Variants in MTBP observed in about 807,000 individuals in gnomAD.
MTBP encodes the protein MDM2 binding protein, also known as mdm2-binding protein.
In MTBP, 101 loss-of-function variants were observed where a neutral mutation model predicts 117.0. The ratio of observed to expected loss-of-function variants is 0.86; its 90% CI spans 0.73 to 1.02. The LOEUF is 1.02. Among genes scored for constraint, MTBP ranks in the 50% least tolerant of loss-of-function variants. MTBP has a pLI of 0.00. For missense variants in MTBP, 970 were observed against 1,030.9 expected (o/e 0.94, Z 0.81); for synonymous variants, 350 against 351.5 (o/e 1.00, Z 0.05).
chr8:120,486,758 G>A (rs146780413), intron 11 of MTBP, among the ~76,000 whole-genome samples: 121 of 152,276 alleles, frequency 7.9e-4, no homozygotes, highest in African/African-American at 2.7e-3. Context: ...GGCTGCGGCT[G>A]AAGTGCTTCG....
At chr8:120,453,804 T>C (rs779522989) in intron 4 of MTBP, 43 bp from the exon 5 acceptor site, 3 of 958,590 alleles carry the variant, frequency 3.1e-6, no homozygotes, top group East Asian at 2.5e-5. Flanking sequence ...TATATAAATA[T>C]ATTTATGGGG....
chr8:120,478,090 C>T (rs1402560281), intron 11 of MTBP, among the ~76,000 whole-genome samples: 1 of 152,178 alleles, frequency 6.6e-6, no homozygotes, highest in Non-Finnish European at 1.5e-5. Flanking sequence ...AGAATGAGTT[C>T]ATGTCCTTTG....
At chr8:120,457,640 G>T (rs1468216002) in intron 7 of MTBP, among the ~76,000 whole-genome samples, 1 of 152,122 alleles carries the variant, frequency 6.6e-6, no homozygotes, top group Non-Finnish European at 1.5e-5. Flanking sequence ...TCCCACATAG[G>T]CTGGGCGCAG....
rs528227498 is a variant in MTBP at position 120,482,505 on chromosome 8, C to A, written c.1166-5654C>A. Among the ~76,000 whole-genome samples the A allele has an allele frequency of 2.2e-4, 34 of 152,156 alleles. 1 individual carries two copies. In the South Asian group the frequency reaches 7.1e-3, roughly 32 times the overall value. ...AGATCTGGAAATATCTTCTGAATGG[C>A]TTCTCTATTCATTGTAGCTTTCAAA... On this transcript the variant is annotated intron_variant, in intron 11 of 21. Coordinates refer to ENST00000305949, the MANE Select transcript of MTBP (RefSeq NM_022045.5).
chr8:120,483,228 T>G (rs1814132523), intron 11 of MTBP, among the ~76,000 whole-genome samples: 1 of 151,988 alleles, frequency 6.6e-6, no homozygotes, highest in South Asian at 2.1e-4. Flanking sequence ...CAGCTGGCAC[T>G]AAGGGCTGTT....
intron 15 of MTBP, among the ~76,000 whole-genome samples, chr8:120,502,851 G>T (rs949648905): frequency 1.3e-5 from 2 of 152,090 alleles, no homozygotes; most frequent in Admixed American, 6.6e-5. Flanking sequence ...GAACATTTTG[G>T]TATATAGCCT....
chr8:120,485,102 T>C (rs1814182279), intron 11 of MTBP, among the ~76,000 whole-genome samples: 1 of 152,216 alleles, frequency 6.6e-6, no homozygotes, highest in Non-Finnish European at 1.5e-5. Context: ...TTTAGGCTAT[T>C]ATGAATAATG....
chr8:120,517,523 C>CA (rs1814939007), intron 18 of MTBP, among the ~76,000 whole-genome samples: 2 of 151,836 alleles, frequency 1.3e-5, no homozygotes, highest in Non-Finnish European at 2.9e-5. Flanking sequence ...AACTAAGGAA[C>CA]AACTTTATAA....
At chr8:120,493,881 A>G (rs1483960826) in intron 13 of MTBP, among the ~76,000 whole-genome samples, 2 of 152,196 alleles carry the variant, frequency 1.3e-5, no homozygotes, top group African/African-American at 4.8e-5. Flanking sequence ...AAACCAAACC[A>G]TCGGTAACTT....
At chr8:120,480,708 T>TTTAG (rs1444211257) in intron 11 of MTBP, among the ~76,000 whole-genome samples, 1 of 152,050 alleles carries the variant, frequency 6.6e-6, no homozygotes, top group East Asian at 1.9e-4. Flanking sequence ...TATATATGTA[T>TTTAG]TTAGACTTTT....
At chr8:120,478,470 A>G (rs998684824) in intron 11 of MTBP, among the ~76,000 whole-genome samples, 2 of 152,186 alleles carry the variant, frequency 1.3e-5, no homozygotes, top group African/African-American at 4.8e-5. Context: ...ATCCTCATGT[A>G]GCAGAATAAT....
chr8:120,454,227 G>A (rs1409935013), intron 5 of MTBP, among the ~76,000 whole-genome samples: 1 of 152,002 alleles, frequency 6.6e-6, no homozygotes, highest in African/African-American at 2.4e-5. Context: ...TTCTATAGAA[G>A]ACTAATCCTA....
intron 16 of MTBP, among the ~76,000 whole-genome samples, chr8:120,507,947 C>T (rs1485738449): frequency 6.7e-6 from 1 of 149,212 alleles, no homozygotes; most frequent in Non-Finnish European, 1.5e-5. Flanking sequence ...AGTTGGTTTG[C>T]CTAAACTGAA....
At chr8:120,470,766 T>G in intron 10 of MTBP, 54 bp from the exon 11 acceptor site, 1 of 1,313,466 alleles carries the variant, frequency 7.6e-7, no homozygotes, top group Non-Finnish European at 1.1e-6. Context: ...ACTGGCACTA[T>G]TCAAGAATGA....
chr8:120,489,340 G>A (rs1814293567), intron 12 of MTBP, among the ~76,000 whole-genome samples: 1 of 152,108 alleles, frequency 6.6e-6, no homozygotes, highest in Non-Finnish European at 1.5e-5. Context: ...CCCGGCCTAG[G>A]CTGACTTCTT....
Position 120,459,306 on chromosome 8 carries a change from C to A in MTBP, c.839C>A (p.Ala280Asp), listed in dbSNP as rs776459660. The A allele has an allele frequency of 1.4e-5, 23 of 1,611,390 alleles. No individual in the cohort carries two copies. Among genetic ancestry groups the A allele is most frequent in the Non-Finnish European group, 2.0e-5 (23 of 1,178,908 alleles). Residue 280 changes from alanine to aspartate, a missense_variant, in exon 8 of 22, where the codon GCC (alanine) becomes GAC (aspartate). By Grantham distance (126) the Ala-to-Asp change is moderately radical. Transcript: ENST00000305949. ...TCTAATTTAAATACTGACTTCCTTG[C>A]CAAAAAGATCATACCATCAAAGGAT... ...STSNLNTDFL[A>D]KKIIPSKDKN... is the part of the protein sequence containing the mutation.
At chr8:120,473,009 C>A (rs1016064338) in intron 11 of MTBP, 1 of 152,054 alleles carries the variant, frequency 6.6e-6, no homozygotes, top group African/African-American at 2.4e-5. Context: ...GGTTCCAGGA[C>A]CCCTGTGGAT....
intron 18 of MTBP, 106 bp from the exon 19 acceptor site, chr8:120,517,745 A>C: frequency 8.7e-7 from 1 of 1,149,338 alleles, no homozygotes; most frequent in South Asian, 1.6e-5. Context: ...ATGAACTTCG[A>C]TGTTGATTCA....
intron 10 of MTBP, among the ~76,000 whole-genome samples, chr8:120,469,245 C>T (rs1813766528): frequency 6.6e-6 from 1 of 151,628 alleles, no homozygotes; most frequent in Admixed American, 6.6e-5. Context: ...AAGGTTACAC[C>T]ATATTGGCCA....
Sources: gnomAD v4.1 joint callset for allele counts (sites outside exome capture counted in the v4.1 genomes callset) on GRCh38, gnomAD v4.1.1 for gene constraint, MANE v1.5 for transcripts, NCBI Gene and HGNC (gene_info 2026-07-23, HGNC 2026-07-21) for gene names.